TCF3: variants seen among roughly 807,000 people sequenced by gnomAD.
The protein encoded by TCF3 is transcription factor 3.
A neutral mutation model predicts 72.3 loss-of-function variants in TCF3; 54 were observed. That is an observed-to-expected ratio of 0.75 (90% CI 0.60 to 0.94). The LOEUF is 0.94. Among genes scored for constraint, TCF3 ranks in the 40% least tolerant of loss-of-function variants. The probability of loss-of-function intolerance (pLI) is 0.00; values close to 1 mark genes in which losing one functional copy is unlikely to be tolerated. For missense variants in TCF3, 1,078 were observed against 934.4 expected (o/e 1.15, Z -2.00); for synonymous variants, 525 against 412.6 (o/e 1.27, Z -3.30).
intron 3 of TCF3, among the ~76,000 whole-genome samples, chr19:1,643,064 G>A (rs1408534177): frequency 6.6e-6 from 1 of 152,222 alleles, no homozygotes; most frequent in Non-Finnish European, 1.5e-5. Context: ...CTTGGCAGAA[G>A]ATAGGCTGTC....
chr19:1,644,757 G>C (rs1014742176), intron 3 of TCF3, among the ~76,000 whole-genome samples: 2 of 152,166 alleles, frequency 1.3e-5, no homozygotes, highest in African/African-American at 4.8e-5. Flanking sequence ...GTCCGTGCCA[G>C]GGCTGAGGGG....
At chr19:1,626,685 C>T (rs1266820897) in intron 6 of TCF3, among the ~76,000 whole-genome samples, 1 of 152,196 alleles carries the variant, frequency 6.6e-6, no homozygotes, top group African/African-American at 2.4e-5. Flanking sequence ...AAAATGGGCA[C>T]GTAGGCCGCG....
At chr19:1,613,252 T>C (rs2061223660) in intron 18 of TCF3, among the ~76,000 whole-genome samples, 1 of 152,124 alleles carries the variant, frequency 6.6e-6, no homozygotes, top group African/African-American at 2.4e-5. Context: ...GGCGCCTGTG[T>C]GTGTACGCGA....
intron 13 of TCF3, 70 bp downstream of exon 13, chr19:1,620,898 G>C (rs912616198): frequency 1.5e-6 from 2 of 1,341,160 alleles, no homozygotes; most frequent in African/African-American, 3.1e-5. Flanking sequence ...AGCCTTCACA[G>C]ACCTCAGCCT....
At chr19:1,626,576 G>A (rs904396739) in intron 6 of TCF3, among the ~76,000 whole-genome samples, 17 of 152,148 alleles carry the variant, frequency 1.1e-4, no homozygotes, top group African/African-American at 2.9e-4. Flanking sequence ...TGGCCACCGC[G>A]GGGCTCGATG....
chr19:1,619,654 C>G, intron 14 of TCF3, 126 bp downstream of exon 14: 2 of 1,269,284 alleles, frequency 1.6e-6, no homozygotes, highest in Non-Finnish European at 2.2e-6. Flanking sequence ...TTGGCGGCCA[C>G]GAGGCCTCAA....
intron 6 of TCF3, 99 bp from the exon 7 acceptor site, chr19:1,625,807 C>G (rs576967489): frequency 1.4e-5 from 19 of 1,368,794 alleles, no homozygotes; most frequent in Non-Finnish European, 1.8e-5. Context: ...CACTCAGACC[C>G]GCCCTGCAGT....
intron 3 of TCF3, among the ~76,000 whole-genome samples, chr19:1,644,148 C>T (rs1445946011): frequency 1.3e-5 from 2 of 152,272 alleles, no homozygotes; most frequent in Non-Finnish European, 2.9e-5. Context: ...GCTACTGCAG[C>T]TCCTGGGCCC....
rs189332786 is a variant in TCF3 at position 1,626,406 on chromosome 19, C to T, written c.367-698G>A. ...CAGAGGTTGCGGTGAGCCAAGATTG[C>T]GCCATTGAACTCCAGCCTGGGCCAT... On this transcript the variant is annotated intron_variant, in intron 6 of 18. Transcript: ENST00000262965. 4.3e-3 allele frequency among the ~76,000 whole-genome samples: 659 copies of T among 151,936 alleles called. 4 individuals carry two copies. The highest frequency in any genetic ancestry group is 8.8e-3 in the Admixed American group (134 of 15,262).
At chr19:1,623,158 T>A (rs933563637) in intron 8 of TCF3, among the ~76,000 whole-genome samples, 1 of 151,796 alleles carries the variant, frequency 6.6e-6, no homozygotes. Flanking sequence ...GGTGAGGAGA[T>A]GTATGCCCAG....
At chr19:1,650,624 TCTC>T (rs2066873635) in intron 1 of TCF3, 1 of 259,912 alleles carries the variant, frequency 3.8e-6, no homozygotes, top group East Asian at 5.7e-5. Flanking sequence ...AGCCAGAACC[TCTC>T]CTTTCTCCAA....
intron 3 of TCF3, among the ~76,000 whole-genome samples, chr19:1,641,114 A>T (rs2065173865): frequency 6.7e-6 from 1 of 148,642 alleles, no homozygotes; most frequent in South Asian, 2.1e-4. Flanking sequence ...GTGAGCTGAG[A>T]TCGTGCCACT....
intron 5 of TCF3, 119 bp from the exon 6 acceptor site, chr19:1,627,545 A>C: frequency 1.1e-6 from 1 of 880,978 alleles, no homozygotes; most frequent in Non-Finnish European, 1.8e-6. Context: ...TGAGAGCGCC[A>C]CGGCAGGATG....
chr19:1,644,393 G>A (rs2065770099), intron 3 of TCF3, among the ~76,000 whole-genome samples: 1 of 144,486 alleles, frequency 6.9e-6, no homozygotes, highest in Non-Finnish European at 1.6e-5. Context: ...GGACTGAACG[G>A]GGAGGGGGTC....
In TCF3 at chr19:1,625,612, C is replaced by T. The variant is rs778987149; in HGVS notation, c.463G>A (p.Gly155Ser). The T allele has an allele frequency of 1.7e-5, 27 of 1,583,532 alleles. No individual in the cohort carries two copies. Among genetic ancestry groups the T allele is most frequent in the African/African-American group, 5.5e-5 (4 of 72,402 alleles). Residue 155 changes from glycine (G) to serine (S), a missense_variant, in exon 7 of 19, where the codon GGC becomes AGC. By Grantham distance (56) the Gly-to-Ser change is moderately conservative (BLOSUM62 0). Transcript: ENST00000262965. Reference sequence around the variant, plus strand: ...TCTGCCGCTCTCCGCCGGGAGCTGCCGGAGTAGGAGGGGTAGTACTGGGAG... The same window carrying T: ...TCTGCCGCTCTCCGCCGGGAGCTGCTGGAGTAGGAGGGGTAGTACTGGGAG... ...GTSQYYPSYS[G>S]SSRRRAADGS...
intron 3 of TCF3, among the ~76,000 whole-genome samples, chr19:1,641,538 C>G (rs895974983): frequency 6.6e-6 from 1 of 152,138 alleles, no homozygotes; most frequent in Non-Finnish European, 1.5e-5. Context: ...CTGCAACCTC[C>G]GCCTCCCAGG....
rs369610241 is a variant in TCF3 at position 1,612,755 on chromosome 19, TTGG to T, written c.1823-909_1823-907del. 1.4e-3 allele frequency among the ~76,000 whole-genome samples: 202 copies of T among 141,164 alleles called. 3 individuals are homozygous for T. Among genetic ancestry groups the T allele is most frequent in the East Asian group, 4.9e-3 (23 of 4,698 alleles). The allele number at this position is 141,164 out of a possible 152,430, so 92.6% of individuals were successfully genotyped here. On this transcript the variant is annotated intron_variant, in intron 18 of 18. Coordinates refer to ENST00000262965, the MANE Select transcript of TCF3 (RefSeq NM_003200.5). ...CAGCAGTGCGGGTACACGGCTTACG[TTGG>T]TGGACACAGCAGTGTGGGTACACGG...
chr19:1,642,952 G>T (rs2065553306), intron 3 of TCF3, among the ~76,000 whole-genome samples: 1 of 152,154 alleles, frequency 6.6e-6, no homozygotes, highest in African/African-American at 2.4e-5. Context: ...CAATCGCACG[G>T]ACAGAGAAAG....
chr19:1,622,063 G>C lies in TCF3; in HGVS notation c.813C>G (p.His271Gln). ...SSSTFGGLHQHERMGYQLHGA... is the reference protein window; with the variant it reads ...SSSTFGGLHQQERMGYQLHGA... ...CTGCCCTGGGTCCTACCATACGCTC[G>C]TGCTGGTGCAGGCCACCAAACGTGC... Residue 271 changes from histidine (H) to glutamine (Q), a missense_variant, in exon 10 of 19, where the codon CAC (histidine) becomes CAG (glutamine). Transcript: ENST00000262965. 1 of 1,604,642 alleles carries C rather than the reference G, an allele frequency of 6.2e-7. No homozygotes were observed. The highest frequency in any genetic ancestry group is 8.5e-7 in the Non-Finnish European group (1 of 1,177,132).
Sources: gnomAD v4.1 joint callset for allele counts (sites outside exome capture counted in the v4.1 genomes callset) on GRCh38, gnomAD v4.1.1 for gene constraint, MANE v1.5 for transcripts, NCBI Gene and HGNC (gene_info 2026-07-23, HGNC 2026-07-21) for gene names.